RBFOX1: variants seen among roughly 807,000 people sequenced by gnomAD.
RBFOX1 encodes the protein RNA binding fox-1 homolog 1.
Under a neutral mutation model 57.7 loss-of-function variants are expected in RBFOX1, and 8 were observed. The observed-to-expected ratio is 0.14, with a 90% CI of 0.08 to 0.25. The LOEUF is 0.25. RBFOX1 is among the 10% of genes least tolerant of loss of function. The probability of loss-of-function intolerance (pLI) is 1.00; values close to 1 mark genes in which losing one functional copy is unlikely to be tolerated. For missense variants in RBFOX1, 611 were observed against 548.5 expected, an observed-to-expected ratio of 1.11 and a Z score of -1.14; for synonymous variants, 326 against 222.4, an observed-to-expected ratio of 1.47 and a Z score of -4.15.
chr16:7,141,883 A>G (rs190460379), intron 4 of RBFOX1, among the ~76,000 whole-genome samples: 2 of 152,290 alleles, frequency 1.3e-5, no homozygotes, highest in East Asian at 3.9e-4. Context: ...CACAGCAGCC[A>G]TAGTGACCTT....
At chr16:6,175,787 G>A (rs1291213819) in intron 1 of RBFOX1, among the ~76,000 whole-genome samples, 3 of 152,108 alleles carry the variant, frequency 2.0e-5, no homozygotes, top group Non-Finnish European at 2.9e-5. Flanking sequence ...CCAGACTTTC[G>A]GGAGCAGTCT....
chr16:7,045,644 G>A (rs2047652909), intron 3 of RBFOX1, among the ~76,000 whole-genome samples: 2 of 149,392 alleles, frequency 1.3e-5, no homozygotes, highest in East Asian at 4.0e-4. Context: ...TATTAATCTT[G>A]TTATATACTT....
chr16:7,101,998 C>T (rs1042578471), intron 4 of RBFOX1, among the ~76,000 whole-genome samples: 3 of 152,148 alleles, frequency 2.0e-5, no homozygotes, highest in African/African-American at 7.2e-5. Context: ...ACAAGGGTGC[C>T]GTTTTCCTTA....
intron 5 of RBFOX1, among the ~76,000 whole-genome samples, chr16:7,567,164 CAT>C (rs1191274167): frequency 1.4e-5 from 2 of 142,278 alleles, no homozygotes; most frequent in South Asian, 2.2e-4. Flanking sequence ...TATATATATC[CAT>C]ATATATATCC....
intron 3 of RBFOX1, among the ~76,000 whole-genome samples, chr16:6,879,068 A>G (rs1016473909): frequency 2.6e-5 from 4 of 152,214 alleles, no homozygotes; most frequent in Non-Finnish European, 4.4e-5. Flanking sequence ...CCACTCTTTT[A>G]AGAAGTTTTC....
intron 3 of RBFOX1, chr16:6,774,017 A>G (rs1206247445): frequency 3.0e-6 from 3 of 985,204 alleles, no homozygotes; most frequent in Non-Finnish European, 3.6e-6. Context: ...AGACCAGGTA[A>G]TCACAGTTTG....
intron 3 of RBFOX1, among the ~76,000 whole-genome samples, chr16:6,834,457 C>A (rs1157058194): frequency 6.6e-6 from 1 of 151,972 alleles, no homozygotes; most frequent in East Asian, 1.9e-4. Context: ...CAATGGATGC[C>A]TATAGCCTTG....
intron 3 of RBFOX1, among the ~76,000 whole-genome samples, chr16:6,819,510 C>G (rs933055975): frequency 1.3e-5 from 2 of 151,904 alleles, no homozygotes; most frequent in African/African-American, 4.8e-5. Flanking sequence ...TTGAGACCAG[C>G]CTGACCAGCA....
intron 5 of RBFOX1, among the ~76,000 whole-genome samples, chr16:7,533,417 A>T (rs955217934): frequency 1.1e-3 from 148 of 140,614 alleles, no homozygotes; most frequent in Admixed American, 2.3e-3. Context: ...TGCATTTTTT[A>T]AAAAAAAAAT....
intron 2 of RBFOX1, among the ~76,000 whole-genome samples, chr16:6,473,784 G>A (rs144635987): frequency 1.4e-4 from 21 of 152,298 alleles, no homozygotes; most frequent in African/African-American, 2.2e-4. Flanking sequence ...GGCTGTTTGC[G>A]TGGGGAAGCT....
chr16:6,365,763 A>G (rs1170227899), intron 2 of RBFOX1, among the ~76,000 whole-genome samples: 2 of 152,234 alleles, frequency 1.3e-5, no homozygotes, highest in African/African-American at 4.8e-5. Context: ...CCTTTGCTCA[A>G]GATGGTTAAC....
rs189452776 is a variant in RBFOX1, at chr16:7,114,563, A to C, written c.27+62465A>C. ...ACACCATGAGCCTAATGAGAAATTGAATACCATCTATTTATCTCCTCTAGC... is the reference window on the plus strand; with the variant it reads ...ACACCATGAGCCTAATGAGAAATTGCATACCATCTATTTATCTCCTCTAGC... On this transcript the variant is annotated intron_variant, in intron 4 of 15. Transcript: ENST00000550418. 7.9e-4 allele frequency among the ~76,000 whole-genome samples: 121 copies of C among 152,294 alleles called. 1 individual carries two copies. Among genetic ancestry groups the C allele is most frequent in the African/African-American group, 2.8e-3 (115 of 41,572 alleles).
rs1022914175 is a variant in RBFOX1 at position 7,713,104 on chromosome 16, GTATT to G, written c.*2365_*2368del. The G allele has an allele frequency of 3.3e-5, 5 of 152,130 alleles. No homozygotes were observed. The highest frequency in any genetic ancestry group is 1.9e-4 in the East Asian group (1 of 5,200). The allele number at this position is 152,130 out of a possible 1,614,324, so 9.4% of individuals were successfully genotyped here. A position where few individuals can be genotyped will look rare whatever the true frequency, so the allele number is the denominator to read the frequency against. On this transcript the variant is annotated 3_prime_UTR_variant, in exon 16 of 16. Coordinates refer to ENST00000550418, the MANE Select transcript of RBFOX1 (RefSeq NM_018723.4). ...AAACATTTTGGATTTTTTTTAAACA[GTATT>G]TATTTGGAATGTTTTCATTTATCTA...
intron 3 of RBFOX1, among the ~76,000 whole-genome samples, chr16:6,736,651 A>G (rs1405648921): frequency 6.6e-6 from 1 of 152,224 alleles, no homozygotes; most frequent in Non-Finnish European, 1.5e-5. Flanking sequence ...AAATAATGAC[A>G]TCTTTTCATC....
chr16:6,308,554 T>G (rs1309026426), intron 1 of RBFOX1, among the ~76,000 whole-genome samples: 1 of 152,214 alleles, frequency 6.6e-6, no homozygotes, highest in Non-Finnish European at 1.5e-5. Flanking sequence ...CCTGCTCGTG[T>G]GGCTCTGAGT....
At position 5,454,943 on chromosome 16, in the gene RBFOX1, C is replaced by T. The variant is rs2068568037; in HGVS notation, c.220-12273C>T. Among the ~76,000 whole-genome samples, 151 of 45,738 alleles carry T rather than the reference C, an allele frequency of 3.3e-3. 5 individuals are homozygous for T. The highest frequency in any genetic ancestry group is 0.011 in the African/African-American group (143 of 12,594). The allele number at this position is 45,738 out of a possible 152,430, so 30.0% of individuals were successfully genotyped here. A position where few individuals can be genotyped will look rare whatever the true frequency, so the allele number is the denominator to read the frequency against. ...TGTTTCTTTCTTCCTTCCTTCCTTC[C>T]TTCCTTCCTTCCTTCCTTTCTTTCT... On this transcript the variant is annotated intron_variant, in intron 1 of 2. Transcript: ENST00000585867.
chr16:6,284,642 A>G (rs796122805), intron 1 of RBFOX1, among the ~76,000 whole-genome samples: 12 of 152,306 alleles, frequency 7.9e-5, no homozygotes, highest in African/African-American at 2.9e-4. Context: ...ACTTACAGAA[A>G]GTGGAGAGGT....
At position 6,073,357 on chromosome 16, in the gene RBFOX1, G is replaced by A. The variant is rs185650936; in HGVS notation, c.-127+53365G>A. 2.3e-3 allele frequency among the ~76,000 whole-genome samples: 357 copies of A among 152,224 alleles called. 3 individuals are homozygous for A. The highest frequency in any genetic ancestry group is 1.9e-3 in the Non-Finnish European group (129 of 68,018). ...TAATAAAATTCTCTCTTGTATCTGG[G>A]ATGGGTCATGGGCCCCAGAGACACT... On this transcript the variant is annotated intron_variant, in intron 1 of 15. Coordinates refer to ENST00000550418, the MANE Select transcript of RBFOX1 (RefSeq NM_018723.4).
At chr16:6,083,095 A>C (rs1266274904) in intron 1 of RBFOX1, among the ~76,000 whole-genome samples, 2 of 151,806 alleles carry the variant, frequency 1.3e-5, no homozygotes, top group Non-Finnish European at 2.9e-5. Context: ...TCCTCCTCCC[A>C]GGTTCAAGCG....
Sources: gnomAD v4.1 joint callset for allele counts (sites outside exome capture counted in the v4.1 genomes callset) on GRCh38, gnomAD v4.1.1 for gene constraint, MANE v1.5 for transcripts, NCBI Gene and HGNC (gene_info 2026-07-23, HGNC 2026-07-21) for gene names.